The following SQOR variants were observed in gnomAD, a reference collection of about 807,000 sequenced individuals.
SQOR encodes sulfide:quinone oxidoreductase, mitochondrial.
Under a neutral mutation model 48.6 loss-of-function variants are expected in SQOR, and 39 were observed. The ratio of observed to expected loss-of-function variants is 0.80; its 90% CI spans 0.62 to 1.05. The LOEUF (loss-of-function observed/expected upper bound fraction) is 1.05, where lower values mean the gene tolerates loss of function less well. Among genes scored for constraint, SQOR ranks in the 50% least tolerant of loss-of-function variants. SQOR has a pLI of 0.00. For synonymous variants in SQOR, 220 were observed against 206.2 expected (o/e 1.07, Z -0.57); for missense variants, 561 against 559.9 (o/e 1.00, Z -0.02).
chr15:45,665,348 A>C (rs1889794666), intron 3 of SQOR, among the ~76,000 whole-genome samples: 2 of 152,116 alleles, frequency 1.3e-5, no homozygotes, highest in Non-Finnish European at 2.9e-5. Context: ...ATGACATCTC[A>C]TGTGAGAAAT....
intron 1 of SQOR, among the ~76,000 whole-genome samples, chr15:45,653,907 G>A (rs762159816): frequency 6.6e-5 from 10 of 152,088 alleles, no homozygotes; most frequent in East Asian, 3.9e-4. Flanking sequence ...ACGGCAAGGC[G>A]GGCAGATTAC....
At chr15:45,672,964 G>A (rs1889970570) in intron 4 of SQOR, among the ~76,000 whole-genome samples, 1 of 152,178 alleles carries the variant, frequency 6.6e-6, no homozygotes, top group African/African-American at 2.4e-5. Flanking sequence ...TTCTGATTCA[G>A]TAGGTCTAGG....
chr15:45,651,826 C>T (rs1467728408), intron 1 of SQOR, among the ~76,000 whole-genome samples: 1 of 152,036 alleles, frequency 6.6e-6, no homozygotes, highest in South Asian at 2.1e-4. Flanking sequence ...GCTGCATTCT[C>T]CTGTATCATT....
At chr15:45,690,552 C>G (rs1890304340) in intron 9 of SQOR, among the ~76,000 whole-genome samples, 1 of 152,166 alleles carries the variant, frequency 6.6e-6, no homozygotes, top group African/African-American at 2.4e-5. Flanking sequence ...GTGCTACTTG[C>G]ATTTAGTGAG....
intron 1 of SQOR, 101 bp downstream of exon 1, chr15:45,635,209 TTCCGCAGCTGGGAC>T (rs1215664767): frequency 1.3e-5 from 2 of 152,240 alleles, no homozygotes; most frequent in African/African-American, 4.8e-5. Flanking sequence ...TTAACTCGGT[TTCCGCAGCTGGGAC>T]TCCGCAGACC....
intron 1 of SQOR, among the ~76,000 whole-genome samples, chr15:45,655,405 A>G (rs1418765407): frequency 1.3e-5 from 2 of 152,250 alleles, no homozygotes; most frequent in Non-Finnish European, 2.9e-5. Flanking sequence ...AAAGAAAAGC[A>G]GGATGTGATG....
chr15:45,635,897 G>A (rs1894995436), intron 1 of SQOR, among the ~76,000 whole-genome samples: 1 of 152,026 alleles, frequency 6.6e-6, no homozygotes, highest in Non-Finnish European at 1.5e-5. Flanking sequence ...GTGCAGTGGC[G>A]CGATCTCGGC....
chr15:45,636,092 G>T (rs552123502), intron 1 of SQOR, among the ~76,000 whole-genome samples: 1 of 152,276 alleles, frequency 6.6e-6, no homozygotes, highest in Non-Finnish European at 1.5e-5. Flanking sequence ...GCCTTCCAAA[G>T]TGCTGGGATT....
chr15:45,667,941 C>CTTTTTTTTTTTTTTTTTTTTTTTTT (rs1204451548), intron 3 of SQOR, among the ~76,000 whole-genome samples: 4 of 103,278 alleles, frequency 3.9e-5, no homozygotes, highest in Non-Finnish European at 5.7e-5. Context: ...TTCTTTCTTT[C>CTTTTTTTTTTTTTTTTTTTTTTTTT]TTTTTTTTTT....
At chr15:45,668,723 G>T (rs1889883555) in intron 3 of SQOR, among the ~76,000 whole-genome samples, 1 of 152,138 alleles carries the variant, frequency 6.6e-6, no homozygotes, top group East Asian at 1.9e-4. Context: ...GCTCTGCTCT[G>T]CCATTTAGTA....
At chr15:45,632,528 G>A, upstream of SQOR, among the ~76,000 whole-genome samples, 1 of 151,786 alleles carries the variant, frequency 6.6e-6, no homozygotes, top group South Asian at 2.1e-4. Context: ...CCCAGGACAT[G>A]TTTCTTAACT....
intron 2 of SQOR, among the ~76,000 whole-genome samples, chr15:45,659,867 ACT>A (rs1306156679): frequency 6.6e-6 from 1 of 151,688 alleles, no homozygotes; most frequent in African/African-American, 2.4e-5. Flanking sequence ...AACCCATGAC[ACT>A]CTCCCAGTGC....
At chr15:45,678,042 G>A (rs541294729) in intron 6 of SQOR, among the ~76,000 whole-genome samples, 2 of 152,116 alleles carry the variant, frequency 1.3e-5, no homozygotes, top group Non-Finnish European at 2.9e-5. Flanking sequence ...CATTGCATAA[G>A]CATTGTGCCA....
chr15:45,651,503 C>T (rs2140943237), intron 1 of SQOR, among the ~76,000 whole-genome samples: 1 of 152,376 alleles, frequency 6.6e-6, no homozygotes, highest in African/African-American at 2.4e-5. Context: ...AGAGCGGATG[C>T]CAAGTCCGAG....
intron 2 of SQOR, among the ~76,000 whole-genome samples, chr15:45,659,769 T>A (rs1387035386): frequency 6.6e-6 from 1 of 152,222 alleles, no homozygotes; most frequent in Admixed American, 6.5e-5. Context: ...TTTGATTACA[T>A]TTGCAAAGAC....
At chr15:45,670,048 T>G (rs1889911351) in intron 4 of SQOR, 67 bp downstream of exon 4, 1 of 1,446,944 alleles carries the variant, frequency 6.9e-7, no homozygotes, top group African/African-American at 1.4e-5. Flanking sequence ...CTGCATTTAG[T>G]TGCTTTATTA....
chr15:45,634,198 C>CTATA (rs60889862), upstream of SQOR, among the ~76,000 whole-genome samples: 2,719 of 43,838 alleles, frequency 0.062, 583 homozygotes, highest in East Asian at 0.25. Flanking sequence ...ACAACAACAA[C>CTATA]TATATATATA....
intron 1 of SQOR, among the ~76,000 whole-genome samples, chr15:45,650,447 C>T (rs536109742): frequency 6.6e-6 from 1 of 152,296 alleles, no homozygotes; most frequent in African/African-American, 2.4e-5. Flanking sequence ...AGCTGCAGAC[C>T]TTCACAGTGA....
intron 3 of SQOR, among the ~76,000 whole-genome samples, chr15:45,662,379 T>C (rs1889736516): frequency 6.6e-6 from 1 of 152,220 alleles, no homozygotes; most frequent in Non-Finnish European, 1.5e-5. Context: ...CCCTATTGCT[T>C]AGTATACTAT....
Sources: allele counts gnomAD v4.1 joint callset (sites outside exome capture counted in the v4.1 genomes callset), GRCh38; gene constraint gnomAD v4.1.1; transcripts MANE v1.5; gene names NCBI Gene and HGNC (gene_info 2026-07-23, HGNC 2026-07-21).